Variants in CSMD2 observed in about 807,000 individuals in gnomAD.
The protein encoded by CSMD2 is CUB and sushi domain-containing protein 2.
CSMD2 carries 130 observed loss-of-function variants against 398.5 expected under a neutral mutation model. The observed-to-expected ratio is 0.33, with a 90% confidence interval of 0.28 to 0.38. CSMD2 has a LOEUF of 0.38. Ranked by LOEUF, CSMD2 falls within the 10% of genes least tolerant of loss-of-function variation. The pLI is 1.00. For synonymous variants in CSMD2, 1,828 were observed against 1,908.5 expected, an observed-to-expected ratio of 0.96 and a Z score of 1.10; for missense variants, 3,829 against 4,764.9, an observed-to-expected ratio of 0.80 and a Z score of 5.78.
At chr1:34,043,516 G>C (rs146598105) in intron 2 of CSMD2, among the ~76,000 whole-genome samples, 15 of 152,296 alleles carry the variant, frequency 9.8e-5, no homozygotes, top group Non-Finnish European at 2.2e-4. Context: ...TTTCCTTCTT[G>C]ATGGTAAGTC....
intron 5 of CSMD2, among the ~76,000 whole-genome samples, chr1:33,898,146 C>T (rs1642513540): frequency 6.6e-6 from 1 of 152,162 alleles, no homozygotes. Context: ...CTCATGGAGT[C>T]AGGTTGCTAA....
At chr1:34,131,874 C>T (rs920871480) in intron 1 of CSMD2, among the ~76,000 whole-genome samples, 1 of 152,144 alleles carries the variant, frequency 6.6e-6, no homozygotes. Context: ...ATGCAAGGGT[C>T]AGGATCCCCT....
rs1659685415 is a variant in CSMD2 at position 33,572,487 on chromosome 1, C to T, written c.7762+19G>A. 1 of 1,545,440 alleles carries T rather than the reference C, an allele frequency of 6.5e-7. No individual in the cohort carries two copies. Among genetic ancestry groups the T allele is most frequent in the Admixed American group, 1.8e-5 (1 of 56,618 alleles). On this transcript the variant is annotated intron_variant, in intron 50 of 70. Transcript: ENST00000373381. ...ACCTAGCCCTTCCTTACACCCGCCT[C>T]CATTGCCCGAGGACTCACGGACACA...
At chr1:34,043,499 A>G (rs1652112256) in intron 2 of CSMD2, among the ~76,000 whole-genome samples, 1 of 152,196 alleles carries the variant, frequency 6.6e-6, no homozygotes, top group Non-Finnish European at 1.5e-5. Context: ...ATTGTTATAT[A>G]TCTGTCTTTC....
At chr1:33,575,612 C>A (rs1390034509) in intron 49 of CSMD2, among the ~76,000 whole-genome samples, 1 of 152,062 alleles carries the variant, frequency 6.6e-6, no homozygotes, top group Non-Finnish European at 1.5e-5. Context: ...CAACTGAAGT[C>A]TGGTGGAGGC....
intron 12 of CSMD2, among the ~76,000 whole-genome samples, chr1:33,777,444 AAC>A (rs1652146480): frequency 6.6e-6 from 1 of 152,120 alleles, no homozygotes; most frequent in Non-Finnish European, 1.5e-5. Flanking sequence ...TCCTGCTGGA[AAC>A]ACAGAGACCA....
intron 3 of CSMD2, among the ~76,000 whole-genome samples, chr1:33,980,712 T>C (rs1158514134): frequency 6.6e-6 from 1 of 152,132 alleles, no homozygotes; most frequent in East Asian, 1.9e-4. Context: ...CTCTAGAAGA[T>C]TAGAGTCTAG....
chr1:33,721,248 T>A lies in CSMD2; in HGVS notation c.3001+2949A>T, dbSNP rs774628544. On this transcript the variant is annotated intron_variant, in intron 19 of 70. Transcript: ENST00000373381. ...TGTCTGCTCTATCACATATTGGTCA[T>A]GCTATATACTGAGATCTTGGTTTAG... Among the ~76,000 whole-genome samples, 2 of 152,190 alleles carry A rather than the reference T, an allele frequency of 1.3e-5. 1 individual carries two copies. The highest frequency in any genetic ancestry group is 2.9e-5 in the Non-Finnish European group (2 of 68,034).
At chr1:33,726,745 A>T (rs1375516471) in intron 15 of CSMD2, 60 bp from the exon 16 acceptor site, 2 of 1,520,318 alleles carry the variant, frequency 1.3e-6, no homozygotes, top group Non-Finnish European at 1.8e-6. Context: ...AAACAAACAG[A>T]AAATCTCTCT....
At chr1:33,939,389 G>A (rs1644591918) in intron 3 of CSMD2, among the ~76,000 whole-genome samples, 1 of 152,172 alleles carries the variant, frequency 6.6e-6, no homozygotes, top group African/African-American at 2.4e-5. Context: ...GTGTGCTTAT[G>A]AGTGTGGGGT....
intron 12 of CSMD2, among the ~76,000 whole-genome samples, chr1:33,781,548 C>T (rs1412541539): frequency 6.6e-6 from 1 of 152,122 alleles, no homozygotes; most frequent in Non-Finnish European, 1.5e-5. Context: ...TTGGGCAGCC[C>T]CTCTGCATAA....
At position 33,618,040 on chromosome 1, in the gene CSMD2, A is replaced by AGAGAGG. The variant is rs1553156521; in HGVS notation, c.5828-424_5828-423insCCTCTC. Among the ~76,000 whole-genome samples, 128 of 152,264 alleles carry AGAGAGG rather than the reference A, an allele frequency of 8.4e-4. 1 individual carries two copies. Among genetic ancestry groups the AGAGAGG allele is most frequent in the African/African-American group, 2.6e-3 (109 of 41,534 alleles). On this transcript the variant is annotated intron_variant, in intron 37 of 70. Transcript: ENST00000373381. Reference sequence around the variant, plus strand: ...AAGACAGAGAGACAGAGAGAGAGAGAGGGAAAAGAAGGTCAAGAAGGAAGG... The same window carrying AGAGAGG: ...AAGACAGAGAGACAGAGAGAGAGAGAGAGAGGGGGAAAAGAAGGTCAAGAAGGAAGG...
intron 2 of CSMD2, among the ~76,000 whole-genome samples, chr1:34,067,998 GA>G (rs912550761): frequency 6.6e-6 from 1 of 152,160 alleles, no homozygotes; most frequent in Non-Finnish European, 1.5e-5. Context: ...GTAGCCCAGA[GA>G]GGTGCTTCCC....
intron 2 of CSMD2, among the ~76,000 whole-genome samples, chr1:34,069,267 T>C (rs941668151): frequency 2.0e-5 from 3 of 152,160 alleles, no homozygotes; most frequent in Non-Finnish European, 4.4e-5. Context: ...ACCCCCCATG[T>C]ACAAAGCAGT....
chr1:33,619,908 C>CAAA, intron 37 of CSMD2, among the ~76,000 whole-genome samples: 1 of 152,092 alleles, frequency 6.6e-6, no homozygotes, highest in East Asian at 1.9e-4. Flanking sequence ...CCAAGTAGAA[C>CAAA]AAAACTCACT....
At chr1:34,101,495 T>C (rs1326074563) in intron 1 of CSMD2, among the ~76,000 whole-genome samples, 1 of 152,218 alleles carries the variant, frequency 6.6e-6, no homozygotes, top group Non-Finnish European at 1.5e-5. Context: ...AAACTCTCAA[T>C]AGTTATGTCT....
chr1:33,817,984 T>C (rs1297298905), intron 9 of CSMD2, among the ~76,000 whole-genome samples: 1 of 152,212 alleles, frequency 6.6e-6, no homozygotes, highest in African/African-American at 2.4e-5. Context: ...GAACACACTT[T>C]TTCAGCTACA....
At chr1:33,748,912 C>T (rs755888102) in intron 13 of CSMD2, among the ~76,000 whole-genome samples, 1 of 152,004 alleles carries the variant, frequency 6.6e-6, no homozygotes, top group Non-Finnish European at 1.5e-5. Context: ...AAGAAAATCC[C>T]CATAAATTCT....
intron 32 of CSMD2, among the ~76,000 whole-genome samples, chr1:33,629,857 C>T (rs1237432306): frequency 1.3e-5 from 2 of 152,040 alleles, no homozygotes; most frequent in East Asian, 3.9e-4. Flanking sequence ...ATTCTCCTGC[C>T]TCAGCCTCCC....
Sources: allele counts gnomAD v4.1 joint callset (sites outside exome capture counted in the v4.1 genomes callset), GRCh38; gene constraint gnomAD v4.1.1; transcripts MANE v1.5; gene names NCBI Gene and HGNC (gene_info 2026-07-23, HGNC 2026-07-21).